The following ARHGEF33 variants were observed in gnomAD, a reference collection of about 807,000 sequenced individuals.
The protein encoded by ARHGEF33 is DH and coiled-coil domain-containing protein ENSP00000381780.
ARHGEF33 carries 72 observed loss-of-function variants against 101.9 expected under a neutral mutation model. That is an observed-to-expected ratio of 0.71 (90% CI 0.58 to 0.86). The LOEUF is 0.86. ARHGEF33 is among the 40% of genes least tolerant of loss of function. The probability of loss-of-function intolerance (pLI) is 0.00; values close to 1 mark genes in which losing one functional copy is unlikely to be tolerated. For missense variants in ARHGEF33, 1,169 were observed against 1,111.3 expected (o/e 1.05, Z -0.74); for synonymous variants, 499 against 442.5 (o/e 1.13, Z -1.60).
Position 38,973,951 on chromosome 2 carries a change from G to A in ARHGEF33, c.*108G>A, listed in dbSNP as rs1054005604. On this transcript the variant is annotated 3_prime_UTR_variant, in exon 18 of 18. Coordinates refer to ENST00000409978, the MANE Select transcript of ARHGEF33 (RefSeq NM_001145451.5). ...CTATATCTATATATATATATATATC[G>A]ATGTATAAATCCCTGAGGAAAACTA... The A allele has an allele frequency of 1.3e-5, 9 of 674,130 alleles. No homozygotes were observed. In the Admixed American group the frequency reaches 2.1e-4, roughly 16 times the overall value. 41.8% of individuals were successfully genotyped at this position (674,130 alleles called of 1,614,324 possible). A position where few individuals can be genotyped will look rare whatever the true frequency, so the allele number is the denominator to read the frequency against.
intron 2 of ARHGEF33, 96 bp from the exon 3 acceptor site, chr2:38,919,267 C>T (rs914629162): frequency 1.7e-6 from 1 of 591,822 alleles, no homozygotes. Flanking sequence ...GTACCTCAAG[C>T]TGTGTTCATT....
intron 1 of ARHGEF33, among the ~76,000 whole-genome samples, chr2:38,890,295 C>T (rs1377189214): frequency 1.3e-5 from 2 of 152,108 alleles, no homozygotes. Context: ...ATTTTGAGAG[C>T]AGTCTTAAAG....
intron 6 of ARHGEF33, among the ~76,000 whole-genome samples, chr2:38,930,229 G>A (rs966656984): frequency 6.6e-6 from 1 of 152,026 alleles, no homozygotes; most frequent in African/African-American, 2.4e-5. Flanking sequence ...TTAATTCTAG[G>A]GTTGAAAATA....
chr2:38,943,488 C>G (rs1226774062), intron 9 of ARHGEF33, among the ~76,000 whole-genome samples: 1 of 152,086 alleles, frequency 6.6e-6, no homozygotes, highest in Non-Finnish European at 1.5e-5. Context: ...CAGGGCTTCT[C>G]TAGTTTCATT....
At chr2:38,945,254 C>T (rs1415635668) in intron 10 of ARHGEF33, among the ~76,000 whole-genome samples, 2 of 152,156 alleles carry the variant, frequency 1.3e-5, no homozygotes, top group African/African-American at 4.8e-5. Context: ...TCCTTACCAT[C>T]CCCCCAAATC....
At chr2:38,914,405 C>T (rs539718363) in intron 2 of ARHGEF33, among the ~76,000 whole-genome samples, 41 of 152,282 alleles carry the variant, frequency 2.7e-4, no homozygotes, top group African/African-American at 6.3e-4. Context: ...TGGTGGCTCA[C>T]GCCTGTAATC....
rs535739670 is a variant in ARHGEF33, at chr2:38,946,082, G to A, written c.920+2052G>A. 2.6e-5 allele frequency among the ~76,000 whole-genome samples: 4 copies of A among 152,316 alleles called. No homozygotes were observed. The East Asian group carries it at 7.7e-4, about 29-fold the overall frequency. ...AAAATTCAGTCTTCCCTCTTGAACAGCCTGTACGTTTTTACTTCAGATCTC... is the reference window on the plus strand; with the variant it reads ...AAAATTCAGTCTTCCCTCTTGAACAACCTGTACGTTTTTACTTCAGATCTC... On this transcript the variant is annotated intron_variant, in intron 10 of 17. Coordinates refer to ENST00000409978, the MANE Select transcript of ARHGEF33 (RefSeq NM_001145451.5).
Position 38,937,324 on chromosome 2 carries a change from C to CA in ARHGEF33, c.566-10dup, listed in dbSNP as rs1667168537. On this transcript the variant is annotated splice_polypyrimidine_tract_variant and intron_variant, in intron 8 of 17. Coordinates refer to ENST00000409978, the MANE Select transcript of ARHGEF33 (RefSeq NM_001145451.5). ...TTCTTTGTTTCCCCGCCCCTCCCCC[C>CA]ACCCCACCAGGAGTGAACCCAACAA... 3 of 424,232 alleles carry CA rather than the reference C, an allele frequency of 7.1e-6. No individual in the cohort carries two copies. Among genetic ancestry groups the CA allele is most frequent in the Non-Finnish European group, 1.2e-5 (3 of 241,294 alleles). The allele number at this position is 424,232 out of a possible 1,614,324, so 26.3% of individuals were successfully genotyped here. A position where few individuals can be genotyped will look rare whatever the true frequency, so the allele number is the denominator to read the frequency against.
chr2:38,913,038 G>GTTT (rs537468439), intron 2 of ARHGEF33, among the ~76,000 whole-genome samples: 37 of 135,798 alleles, frequency 2.7e-4, no homozygotes, highest in Middle Eastern at 3.7e-3. Context: ...TCAACAAATT[G>GTTT]TTTTTTTTTT....
chr2:38,912,436 TC>T (rs1479713991), intron 2 of ARHGEF33, among the ~76,000 whole-genome samples: 1 of 152,182 alleles, frequency 6.6e-6, no homozygotes, highest in East Asian at 1.9e-4. Context: ...ATATTACCTT[TC>T]TGTGTAATCC....
chr2:38,924,053 A>C (rs538847751), intron 4 of ARHGEF33, among the ~76,000 whole-genome samples: 1 of 152,298 alleles, frequency 6.6e-6, no homozygotes, highest in South Asian at 2.1e-4. Flanking sequence ...CAAATATTTC[A>C]AAGGTTTAAT....
intron 17 of ARHGEF33, among the ~76,000 whole-genome samples, chr2:38,969,827 T>C (rs1413185262): frequency 6.6e-6 from 1 of 152,230 alleles, no homozygotes; most frequent in East Asian, 1.9e-4. Flanking sequence ...CCAATACTTA[T>C]TCCCCTGCCT....
intron 2 of ARHGEF33, among the ~76,000 whole-genome samples, chr2:38,909,356 C>G (rs147489627): frequency 2.6e-5 from 4 of 152,116 alleles, no homozygotes; most frequent in African/African-American, 9.6e-5. Context: ...AGGTCTCACT[C>G]TGCCGCCCAG....
intron 2 of ARHGEF33, among the ~76,000 whole-genome samples, chr2:38,917,468 G>C (rs897070240): frequency 2.6e-5 from 4 of 152,122 alleles, no homozygotes; most frequent in Non-Finnish European, 5.9e-5. Flanking sequence ...CATTCAATGA[G>C]TTTTGGCAAA....
At chr2:38,908,412 A>G (rs1400035265) in intron 2 of ARHGEF33, among the ~76,000 whole-genome samples, 1 of 152,170 alleles carries the variant, frequency 6.6e-6, no homozygotes, top group Non-Finnish European at 1.5e-5. Flanking sequence ...AACTTTTGAT[A>G]AGTTTTTATG....
At chr2:38,953,128 G>T (rs1667653647) in intron 11 of ARHGEF33, 34 bp from the exon 12 acceptor site, 1 of 989,242 alleles carries the variant, frequency 1.0e-6, no homozygotes. Context: ...CTGTTTTCAG[G>T]TTCTTACCAT....
intron 2 of ARHGEF33, among the ~76,000 whole-genome samples, chr2:38,914,092 G>A (rs374005810): frequency 2.0e-5 from 3 of 152,148 alleles, no homozygotes; most frequent in South Asian, 4.1e-4. Context: ...AACTAAAAAT[G>A]TTAACATCCA....
At chr2:38,926,617 GC>G (rs1666878809) in intron 4 of ARHGEF33, among the ~76,000 whole-genome samples, 1 of 152,258 alleles carries the variant, frequency 6.6e-6, no homozygotes, top group Non-Finnish European at 1.5e-5. Context: ...CTCAAAAATA[GC>G]CTCAGAATTC....
intron 10 of ARHGEF33, among the ~76,000 whole-genome samples, chr2:38,944,528 T>C (rs549220485): frequency 5.3e-5 from 8 of 152,258 alleles, no homozygotes; most frequent in East Asian, 3.9e-4. Flanking sequence ...CACATGAATT[T>C]TGGGGGACAC....
Sources: allele counts gnomAD v4.1 joint callset (sites outside exome capture counted in the v4.1 genomes callset), GRCh38; gene constraint gnomAD v4.1.1; transcripts MANE v1.5; gene names NCBI Gene and HGNC (gene_info 2026-07-23, HGNC 2026-07-21).